The following SYNE3 variants were observed in gnomAD, a reference collection of about 807,000 sequenced individuals.
The protein encoded by SYNE3 is spectrin repeat containing nuclear envelope family member 3.
A neutral mutation model predicts 111.2 loss-of-function variants in SYNE3; 100 were observed. That is an observed-to-expected ratio of 0.90 (90% CI 0.77 to 1.06). SYNE3 has a LOEUF of 1.06. Among genes scored for constraint, SYNE3 ranks in the 50% least tolerant of loss-of-function variants. The pLI is 0.00. For missense variants in SYNE3, 1,160 were observed against 1,240.3 expected, an observed-to-expected ratio of 0.94 and a Z score of 0.97; for synonymous variants, 547 against 533.9, an observed-to-expected ratio of 1.02 and a Z score of -0.34.
chr14:95,422,703 A>G (rs1490419135), intron 17 of SYNE3, among the ~76,000 whole-genome samples: 1 of 152,136 alleles, frequency 6.6e-6, no homozygotes, highest in South Asian at 2.1e-4. Flanking sequence ...GGACGGTGGG[A>G]GGAGGCCCAC....
At position 95,439,024 on chromosome 14, in the gene SYNE3, C is replaced by T; in HGVS notation, c.2376+9G>A. 2 of 1,613,824 alleles carry T rather than the reference C, an allele frequency of 1.2e-6. No individual in the cohort carries two copies. Among genetic ancestry groups the T allele is most frequent in the Non-Finnish European group, 1.7e-6 (2 of 1,179,968 alleles). ...CCCCTTCTCCCACAGCCCTGCTAGA[C>T]AGACTCACGCGTCGACGATGCCTGG... is the stretch of plus-strand genomic sequence containing the variant. On this transcript the variant is annotated intron_variant, in intron 14 of 17. Coordinates refer to ENST00000682763, the MANE Select transcript of SYNE3 (RefSeq NM_152592.6).
At chr14:95,465,310 C>T (rs182098102) in intron 4 of SYNE3, among the ~76,000 whole-genome samples, 72 of 150,660 alleles carry the variant, frequency 4.8e-4, no homozygotes, top group African/African-American at 1.6e-3. Flanking sequence ...TTAAGCACTG[C>T]GAAACACTGG....
At chr14:95,472,572 T>C (rs1446323597) in intron 2 of SYNE3, among the ~76,000 whole-genome samples, 4 of 152,198 alleles carry the variant, frequency 2.6e-5, no homozygotes, top group Admixed American at 2.6e-4. Context: ...AGCATGTCTA[T>C]AAATGATCCT....
intron 3 of SYNE3, among the ~76,000 whole-genome samples, chr14:95,467,557 G>A (rs566327530): frequency 1.1e-4 from 17 of 152,292 alleles, no homozygotes; most frequent in African/African-American, 3.6e-4. Flanking sequence ...ATGCACACAC[G>A]GTAAGTCTCT....
chr14:95,431,781 CACT>C (rs1393194235), intron 17 of SYNE3, among the ~76,000 whole-genome samples: 3 of 152,180 alleles, frequency 2.0e-5, no homozygotes, highest in Non-Finnish European at 4.4e-5. Context: ...CATCTTTGTC[CACT>C]CCCCAGCGTG....
rs1595165999 is a variant in SYNE3, at chr14:95,416,581, G to T, written c.*1245C>A. 1 of 152,284 alleles carries T rather than the reference G, an allele frequency of 6.6e-6. No homozygotes were observed. Among genetic ancestry groups the T allele is most frequent in the East Asian group, 1.9e-4 (1 of 5,192 alleles). 9.4% of individuals were successfully genotyped at this position (152,284 alleles called of 1,614,324 possible). On this transcript the variant is annotated 3_prime_UTR_variant, in exon 18 of 18. Coordinates refer to ENST00000682763, the MANE Select transcript of SYNE3 (RefSeq NM_152592.6). ...ATGGAGTCACCGCGGCCCCAGCCCA[G>T]GTGGTGCATGGAGCCCAGCTCGCCT...
rs115478836 is a variant in SYNE3 at position 95,439,426 on chromosome 14, G to A, written c.2246+186C>T. ...AGACTGGAGGCTAACTCCCAAGACG[G>A]GGACATTTCCTGGCTCCTCCTGCTC... On this transcript the variant is annotated intron_variant, in intron 13 of 17. Coordinates refer to ENST00000682763, the MANE Select transcript of SYNE3 (RefSeq NM_152592.6). Among the ~76,000 whole-genome samples the A allele has an allele frequency of 4.6e-3, 703 of 152,334 alleles. 4 individuals are homozygous for A. The highest frequency in any genetic ancestry group is 0.016 in the African/African-American group (668 of 41,568).
At position 95,485,882 on chromosome 14, in the gene SYNE3, G is replaced by A. The variant is rs907394182; in HGVS notation, c.-14-10047C>T. On this transcript the variant is annotated intron_variant, in intron 1 of 17. Coordinates refer to ENST00000682763, the MANE Select transcript of SYNE3 (RefSeq NM_152592.6). The surrounding 1 kb of genome is among the most constrained non-coding windows in gnomAD (Gnocchi z 4.3). ...CTGCTCTGAGTCAATATTAATGAAT[G>A]CAACTTCTCCCACCTCACCCCTGAG... Among the ~76,000 whole-genome samples, 2 of 152,136 alleles carry A rather than the reference G, an allele frequency of 1.3e-5. No individual in the cohort carries two copies. The highest frequency in any genetic ancestry group is 4.1e-4 in the South Asian group (2 of 4,830).
rs1480614847 is a variant in SYNE3, at chr14:95,513,737, T to TATATA, written c.-15+2858_-15+2859insTATAT. Among the ~76,000 whole-genome samples, 537 of 92,500 alleles carry TATATA rather than the reference T, an allele frequency of 5.8e-3. 15 individuals are homozygous for TATATA. Among genetic ancestry groups the TATATA allele is most frequent in the African/African-American group, 0.024 (504 of 21,408 alleles). 60.7% of individuals were successfully genotyped at this position (92,500 alleles called of 152,430 possible). A position where few individuals can be genotyped will look rare whatever the true frequency, so the allele number is the denominator to read the frequency against. ...TTGTGGTCCAGTCAGGCTGCTTAGA[T>TATATA]TATATATATATATATATATATATAT... On this transcript the variant is annotated intron_variant, in intron 1 of 17. Coordinates refer to ENST00000682763, the MANE Select transcript of SYNE3 (RefSeq NM_152592.6).
At chr14:95,456,748 T>C (rs1189143958) in intron 5 of SYNE3, among the ~76,000 whole-genome samples, 1 of 151,822 alleles carries the variant, frequency 6.6e-6, no homozygotes, top group Admixed American at 6.6e-5. Context: ...GGGCCATGGG[T>C]TCTTATATAT....
intron 4 of SYNE3, 107 bp from the exon 5 acceptor site, chr14:95,457,445 T>TGTGTGTGTG: frequency 7.5e-7 from 1 of 1,337,572 alleles, no homozygotes; most frequent in Non-Finnish European, 1.0e-6. Flanking sequence ...TGTGTGTGTG[T>TGTGTGTGTG]TAGCAGGGGG....
intron 1 of SYNE3, among the ~76,000 whole-genome samples, chr14:95,503,020 C>T (rs575195077): frequency 2.6e-5 from 4 of 152,298 alleles, no homozygotes; most frequent in South Asian, 4.1e-4. Flanking sequence ...GAATCTAAGG[C>T]ACGGGGATGA....
Position 95,439,695 on chromosome 14 carries a change from C to T in SYNE3, c.2163G>A (p.Glu721=), listed in dbSNP as rs1293180395. 8 of 1,614,102 alleles carry T rather than the reference C, an allele frequency of 5.0e-6. No homozygotes were observed. In the South Asian group the frequency reaches 7.7e-5, roughly 16 times the overall value. Residue 721 remains glutamate, a synonymous_variant, in exon 13 of 18, where the codon GAG becomes GAA. Transcript: ENST00000682763. Reference sequence around the variant, plus strand: ...GCTCCTCCTGCACCACGGCAGCACCCTCCGGAGAAGACTTCTCCATCACCA... The same window carrying T: ...GCTCCTCCTGCACCACGGCAGCACCTTCCGGAGAAGACTTCTCCATCACCA... ...GWLVMEKSSP[E]GAAVVQEELR...
Position 95,467,807 on chromosome 14 carries a change from G to A in SYNE3, c.305C>T (p.Thr102Ile), listed in dbSNP as rs1192592069. The change falls in exon 3 of 18, where the codon ACT becomes ATT. Residue 102 changes from threonine to isoleucine, a missense_variant. Transcript: ENST00000682763. Reference protein sequence around the residue: ...AQWEETVTYMTHCHSRIEWVW... With the variant: ...AQWEETVTYMIHCHSRIEWVW... ...CTGGATGCCCTACCTGTGACAGTGAGTCATGTAGGTGACTGTCTCCTCCCA... is the reference window on the plus strand; with the variant it reads ...CTGGATGCCCTACCTGTGACAGTGAATCATGTAGGTGACTGTCTCCTCCCA... 4.3e-6 allele frequency: 7 copies of A among 1,614,090 alleles called. No individual in the cohort carries two copies. The highest frequency in any genetic ancestry group is 1.3e-5 in the African/African-American group (1 of 74,940).
At position 95,475,814 on chromosome 14, in the gene SYNE3, T is replaced by C; in HGVS notation, c.8A>G (p.Gln3Arg). ...CCTGTCAAAGTCGTCCTGGGGCTGC[T>C]GAGTCATGGCACCTGCAGGGGCTGA... is the stretch of plus-strand genomic sequence containing the variant. MT[Q>R]QPQDDFDRSV... Residue 3 changes from glutamine (Q) to arginine (R), a missense_variant, in exon 2 of 18, where the codon CAG becomes CGG. By Grantham distance (43) the Gln-to-Arg change is conservative (BLOSUM62 1). Coordinates refer to ENST00000682763, the MANE Select transcript of SYNE3 (RefSeq NM_152592.6). The C allele has an allele frequency of 1.3e-6, 2 of 1,559,886 alleles. No individual in the cohort carries two copies. The highest frequency in any genetic ancestry group is 1.7e-6 in the Non-Finnish European group (2 of 1,155,358).
At chr14:95,487,196 TCTC>T (rs761218265) in intron 1 of SYNE3, among the ~76,000 whole-genome samples, 1 of 152,208 alleles carries the variant, frequency 6.6e-6, no homozygotes, top group East Asian at 1.9e-4. Context: ...AGAAGCGACT[TCTC>T]CTTTCTTTGG....
At chr14:95,480,818 A>G (rs1242615982) in intron 1 of SYNE3, among the ~76,000 whole-genome samples, 1 of 152,106 alleles carries the variant, frequency 6.6e-6, no homozygotes, top group South Asian at 2.1e-4. Context: ...AAATAAGGAC[A>G]GGCCCACACC....
chr14:95,424,940 C>A (rs1885349694), intron 17 of SYNE3, among the ~76,000 whole-genome samples: 1 of 152,098 alleles, frequency 6.6e-6, no homozygotes, highest in Non-Finnish European at 1.5e-5. Context: ...ATTCAGTGGT[C>A]AAAAGAAATG....
chr14:95,461,835 G>A (rs1041476570), intron 4 of SYNE3, among the ~76,000 whole-genome samples: 2 of 152,228 alleles, frequency 1.3e-5, no homozygotes, highest in South Asian at 2.1e-4. Flanking sequence ...AGCAGGGACT[G>A]GGAGGCTGGG....
Sources: gnomAD v4.1 joint callset for allele counts (sites outside exome capture counted in the v4.1 genomes callset) on GRCh38, gnomAD v4.1.1 for gene constraint, Gnocchi (gnomAD v3.1) non-coding constraint, MANE v1.5 for transcripts, NCBI Gene and HGNC (gene_info 2026-07-23, HGNC 2026-07-21) for gene names.